Variants in AAK1 observed in about 807,000 individuals in gnomAD.
AAK1 encodes AP2 associated kinase 1, also known as AP2-associated protein kinase 1.
Under a neutral mutation model 116.0 loss-of-function variants are expected in AAK1, and 37 were observed. The observed-to-expected ratio is 0.32, with a 90% CI of 0.25 to 0.42. AAK1 has a LOEUF of 0.42. Among genes scored for constraint, AAK1 ranks in the 10% least tolerant of loss-of-function variants. AAK1 has a pLI of 1.00. For synonymous variants in AAK1, 458 were observed against 439.9 expected (o/e 1.04, Z -0.51); for missense variants, 919 against 1,170.6 (o/e 0.79, Z 3.14).
intron 2 of AAK1, among the ~76,000 whole-genome samples, chr2:69,635,359 G>A (rs971974409): frequency 6.6e-6 from 1 of 152,154 alleles, no homozygotes; most frequent in African/African-American, 2.4e-5. Context: ...TGAAACATGG[G>A]TACAGCCGCT....
In AAK1 at chr2:69,527,205, C is replaced by A; in HGVS notation, c.975+11G>T. On this transcript the variant is annotated intron_variant, in intron 9 of 21. Transcript: ENST00000409085. ...AATGTTTACTCCCTTTAAATAGCAC[C>A]ATTCACGTACCTGTACATTTGGAAT... 1.3e-6 allele frequency: 2 copies of A among 1,566,746 alleles called. No individual in the cohort carries two copies. Among genetic ancestry groups the A allele is most frequent in the Non-Finnish European group, 1.7e-6 (2 of 1,143,946 alleles).
intron 17 of AAK1, among the ~76,000 whole-genome samples, chr2:69,487,763 G>A (rs1675353570): frequency 6.7e-6 from 1 of 150,042 alleles, no homozygotes; most frequent in African/African-American, 2.4e-5. Context: ...GTCCAGTTTT[G>A]CATTAGTATT....
intron 2 of AAK1, among the ~76,000 whole-genome samples, chr2:69,586,958 A>G (rs1323614674): frequency 6.6e-6 from 1 of 152,154 alleles, no homozygotes; most frequent in African/African-American, 2.4e-5. Context: ...CAAATGCAGT[A>G]ATCTTCTAAT....
intron 12 of AAK1, chr2:69,517,092 A>G (rs1676614271): frequency 6.6e-6 from 1 of 152,240 alleles, no homozygotes; most frequent in Non-Finnish European, 1.5e-5. Context: ...GATATCAAAT[A>G]TGTTAAAATC....
intron 5 of AAK1, among the ~76,000 whole-genome samples, chr2:69,536,878 A>T (rs1422458737): frequency 1.3e-4 from 20 of 152,238 alleles, no homozygotes; most frequent in Admixed American, 1.3e-3. Context: ...AAAATGGGAC[A>T]AGAATCTTCA....
At chr2:69,574,377 CAAAAAAAAAAA>C (rs58486434) in intron 2 of AAK1, among the ~76,000 whole-genome samples, 4 of 74,896 alleles carry the variant, frequency 5.3e-5, no homozygotes, top group African/African-American at 9.9e-5. Flanking sequence ...GACTCCCTCT[CAAAAAAAAAAA>C]AAAAAAAAAA....
At chr2:69,591,041 A>C (rs543909824) in intron 2 of AAK1, among the ~76,000 whole-genome samples, 2 of 152,352 alleles carry the variant, frequency 1.3e-5, no homozygotes, top group Admixed American at 1.3e-4. Flanking sequence ...GACTGGTAAG[A>C]TTGGAAAAGG....
intron 9 of AAK1, among the ~76,000 whole-genome samples, chr2:69,525,652 CA>C (rs1669990997): frequency 6.6e-6 from 1 of 152,174 alleles, no homozygotes; most frequent in African/African-American, 2.4e-5. Flanking sequence ...CTACTCAGTC[CA>C]CAAGCCAAGG....
chr2:69,610,111 C>T (rs1042033120), intron 2 of AAK1, among the ~76,000 whole-genome samples: 2 of 146,842 alleles, frequency 1.4e-5, no homozygotes, highest in African/African-American at 5.0e-5. Context: ...AAACTTACTA[C>T]AAAACTACAG....
chr2:69,587,361 A>G (rs1234234471), intron 2 of AAK1, among the ~76,000 whole-genome samples: 1 of 126,826 alleles, frequency 7.9e-6, no homozygotes, highest in African/African-American at 3.6e-5. Context: ...ATATACACAT[A>G]TGCGTGTACA....
intron 18 of AAK1, 168 bp from the exon 19 acceptor site, chr2:69,481,129 T>C: frequency 1.8e-6 from 1 of 551,462 alleles, no homozygotes; most frequent in Admixed American, 3.3e-5. Context: ...CCCAAAGTCC[T>C]GTGGTTACAA....
At chr2:69,540,631 T>C (rs905854005) in intron 5 of AAK1, among the ~76,000 whole-genome samples, 1 of 152,224 alleles carries the variant, frequency 6.6e-6, no homozygotes, top group African/African-American at 2.4e-5. Flanking sequence ...GTGGAGAAAC[T>C]GGAACCTTCA....
chr2:69,530,806 C>A, intron 6 of AAK1, 100 bp from the exon 7 acceptor site: 1 of 842,840 alleles, frequency 1.2e-6, no homozygotes. Context: ...TAACAGAATC[C>A]CTGGGAGCAA....
At position 69,473,098 on chromosome 2, in the gene AAK1, A is replaced by T. The variant is rs1033907357; in HGVS notation, c.*2771T>A. 2 of 911,848 alleles carry T rather than the reference A, an allele frequency of 2.2e-6. No homozygotes were observed. The highest frequency in any genetic ancestry group is 3.6e-5 in the African/African-American group (2 of 55,646). The allele number at this position is 911,848 out of a possible 1,614,324, so 56.5% of individuals were successfully genotyped here. A position where few individuals can be genotyped will look rare whatever the true frequency, so the allele number is the denominator to read the frequency against. ...TAATCTTAAAGACCATCTAGTCCAA[A>T]CCCATCGTATAACTCTAAGGAACAG... is the stretch of plus-strand genomic sequence containing the variant. On this transcript the variant is annotated 3_prime_UTR_variant, in exon 22 of 22. Coordinates refer to ENST00000409085, the MANE Select transcript of AAK1 (RefSeq NM_014911.5).
At chr2:69,581,806 G>A (rs1315730367) in intron 2 of AAK1, among the ~76,000 whole-genome samples, 3 of 151,978 alleles carry the variant, frequency 2.0e-5, no homozygotes, top group Non-Finnish European at 4.4e-5. Context: ...GCGAGACCCA[G>A]TCTCTACAAA....
chr2:69,545,746 A>C (rs891431395), intron 3 of AAK1, among the ~76,000 whole-genome samples: 1 of 152,226 alleles, frequency 6.6e-6, no homozygotes, highest in Non-Finnish European at 1.5e-5. Flanking sequence ...GTTCAGACAA[A>C]AGTAGAAAGG....
At position 69,540,121 on chromosome 2, in the gene AAK1, C is replaced by CTTTTTTTTTTTTTT. The variant is rs538276702; in HGVS notation, c.534+2388_534+2401dup. Among the ~76,000 whole-genome samples the CTTTTTTTTTTTTTT allele has an allele frequency of 1.6e-5, 2 of 127,818 alleles. 1 individual carries two copies. Among genetic ancestry groups the CTTTTTTTTTTTTTT allele is most frequent in the African/African-American group, 6.2e-5 (2 of 32,312 alleles). The allele number at this position is 127,818 out of a possible 152,430, so 83.9% of individuals were successfully genotyped here. On this transcript the variant is annotated intron_variant, in intron 5 of 21. Transcript: ENST00000409085. Reference sequence around the variant, plus strand: ...AACATGCATTCCCTGCCCCACTTGCCTTTTTTTTTTTTTTTTTTGAGACAG... The same window carrying CTTTTTTTTTTTTTT: ...AACATGCATTCCCTGCCCCACTTGCCTTTTTTTTTTTTTTTTTTTTTTTTTTTTTTTTGAGACAG...
rs975647841 is a variant in AAK1 at position 69,594,871 on chromosome 2, T to C, written c.164-37893A>G. 1.2e-5 allele frequency: 18 copies of C among 1,557,740 alleles called. No homozygotes were observed. In the East Asian group the frequency reaches 3.4e-4, roughly 29 times the overall value. On this transcript the variant is annotated intron_variant, in intron 2 of 21. Transcript: ENST00000409085. ...GCACTCAAGCCTTAGCACAATCTTCTTTGTAGTTTTAGCCTTTTTCCAGAA... is the reference window on the plus strand; with the variant it reads ...GCACTCAAGCCTTAGCACAATCTTCCTTGTAGTTTTAGCCTTTTTCCAGAA...
chr2:69,513,413 G>A (rs929323724), intron 13 of AAK1, among the ~76,000 whole-genome samples: 22 of 151,878 alleles, frequency 1.4e-4, no homozygotes, highest in African/African-American at 4.8e-4. Flanking sequence ...TCCACCTCCC[G>A]GGTTCACGCC....
Sources: gnomAD v4.1 joint callset for allele counts (sites outside exome capture counted in the v4.1 genomes callset) on GRCh38, gnomAD v4.1.1 for gene constraint, MANE v1.5 for transcripts, NCBI Gene and HGNC (gene_info 2026-07-23, HGNC 2026-07-21) for gene names.